RIMS1: variants seen among roughly 807,000 people sequenced by gnomAD.
RIMS1 encodes regulating synaptic membrane exocytosis 1.
In RIMS1, 83 loss-of-function variants were observed where a neutral mutation model predicts 214.1. That is an observed-to-expected ratio of 0.39 (90% confidence interval 0.32 to 0.47). The LOEUF is 0.47. Among genes scored for constraint, RIMS1 ranks in the 20% least tolerant of loss-of-function variants. The probability of loss-of-function intolerance (pLI) is 0.99; values close to 1 mark genes in which losing one functional copy is unlikely to be tolerated. For synonymous variants in RIMS1, 793 were observed against 786.8 expected, an observed-to-expected ratio of 1.01 and a Z score of -0.13; for missense variants, 2,050 against 2,161.8, an observed-to-expected ratio of 0.95 and a Z score of 1.03.
At chr6:71,998,335 G>A (rs1804111923) in intron 2 of RIMS1, among the ~76,000 whole-genome samples, 1 of 152,112 alleles carries the variant, frequency 6.6e-6, no homozygotes, top group Non-Finnish European at 1.5e-5. Flanking sequence ...TTGTTCAGAA[G>A]GAGCTTTCCT....
chr6:71,968,910 G>T lies in RIMS1; in HGVS notation c.165-73G>T. 3.6e-6 allele frequency: 5 copies of T among 1,402,742 alleles called. No individual in the cohort carries two copies. The East Asian group carries it at 1.1e-4, about 32-fold the overall frequency. 86.9% of individuals were successfully genotyped at this position (1,402,742 alleles called of 1,614,324 possible). On this transcript the variant is annotated intron_variant, in intron 1 of 33. Coordinates refer to ENST00000521978, the MANE Select transcript of RIMS1 (RefSeq NM_014989.7). ...TTCCCTTAGAGTGTTTTTCAGTACC[G>T]TGTTTAATTTCTAGATGTGTTCTAC...
chr6:72,233,727 T>C, intron 6 of RIMS1, 46 bp from the exon 7 acceptor site: 1 of 1,321,072 alleles, frequency 7.6e-7, no homozygotes. Context: ...TGATACACTC[T>C]TCTCTTTAAT....
At chr6:72,373,084 TAAGG>T (rs2098269304) in intron 29 of RIMS1, among the ~76,000 whole-genome samples, 1 of 152,270 alleles carries the variant, frequency 6.6e-6, no homozygotes, top group Non-Finnish European at 1.5e-5. Context: ...AACCACAGGC[TAAGG>T]GTTTAACCTT....
intron 22 of RIMS1, among the ~76,000 whole-genome samples, chr6:72,270,873 A>G (rs1301348932): frequency 6.6e-6 from 1 of 152,188 alleles, no homozygotes; most frequent in Admixed American, 6.5e-5. Flanking sequence ...TACTTGAATG[A>G]ATTTCCCTCA....
intron 4 of RIMS1, among the ~76,000 whole-genome samples, chr6:72,101,748 T>G (rs1425662316): frequency 6.6e-6 from 1 of 151,920 alleles, no homozygotes; most frequent in African/African-American, 2.4e-5. Flanking sequence ...GTCCTAAGAA[T>G]AGCTAATTTA....
At chr6:72,351,277 C>G (rs2097438011) in intron 29 of RIMS1, among the ~76,000 whole-genome samples, 1 of 151,974 alleles carries the variant, frequency 6.6e-6, no homozygotes, top group South Asian at 2.1e-4. Flanking sequence ...CTGCCTGAAA[C>G]CAGCAATCAT....
chr6:72,054,881 T>C (rs533509676), intron 2 of RIMS1, among the ~76,000 whole-genome samples: 1 of 152,356 alleles, frequency 6.6e-6, no homozygotes, highest in African/African-American at 2.4e-5. Flanking sequence ...AGGTTGCCTA[T>C]TCATTCTGAT....
At chr6:71,975,824 A>G (rs1406309096) in intron 2 of RIMS1, among the ~76,000 whole-genome samples, 3 of 152,038 alleles carry the variant, frequency 2.0e-5, no homozygotes, top group Non-Finnish European at 2.9e-5. Context: ...ATCATATTAT[A>G]TGTGTCTGTT....
rs374800835 is a variant in RIMS1, at chr6:71,903,708, CTG to C, written c.164+16523_164+16524del. ...AAACTGACTTCGTTTGAGTAGGTTT[CTG>C]TTTCTCCCAACCAAAAGAGCCCTGA... On this transcript the variant is annotated intron_variant, in intron 1 of 33. Coordinates refer to ENST00000521978, the MANE Select transcript of RIMS1 (RefSeq NM_014989.7). Among the ~76,000 whole-genome samples, 444 of 151,756 alleles carry C rather than the reference CTG, an allele frequency of 2.9e-3. 2 individuals carry two copies. The highest frequency in any genetic ancestry group is 9.9e-3 in the African/African-American group (409 of 41,434).
chr6:72,337,986 A>G (rs867059033), intron 29 of RIMS1, among the ~76,000 whole-genome samples: 6 of 151,434 alleles, frequency 4.0e-5, no homozygotes, highest in Admixed American at 1.3e-4. Flanking sequence ...AATCCAATCT[A>G]TCATTGTTGG....
chr6:72,148,660 G>A (rs1381774195), intron 4 of RIMS1: 1 of 456,220 alleles, frequency 2.2e-6, no homozygotes, highest in Admixed American at 2.3e-5. Flanking sequence ...GCTTAACTAT[G>A]TTGTGCCCCT....
intron 6 of RIMS1, among the ~76,000 whole-genome samples, chr6:72,214,969 G>T (rs761843061): frequency 6.6e-6 from 1 of 152,088 alleles, no homozygotes; most frequent in Non-Finnish European, 1.5e-5. Flanking sequence ...TGATCCACCC[G>T]CCTCGGCCTC....
chr6:72,394,683 AATTGGGG>A (rs1231215436), intron 31 of RIMS1, among the ~76,000 whole-genome samples: 2 of 152,084 alleles, frequency 1.3e-5, no homozygotes, highest in African/African-American at 4.8e-5. Flanking sequence ...TTTATAGAAC[AATTGGGG>A]ATATGTGTGT....
chr6:72,223,021 A>G (rs1184192248), intron 6 of RIMS1, among the ~76,000 whole-genome samples: 3 of 152,200 alleles, frequency 2.0e-5, no homozygotes, highest in African/African-American at 4.8e-5. Context: ...ATTGCTGTCA[A>G]TGTGCTTGTT....
At chr6:72,198,001 A>G (rs1369031802) in intron 6 of RIMS1, among the ~76,000 whole-genome samples, 2 of 152,132 alleles carry the variant, frequency 1.3e-5, no homozygotes, top group Non-Finnish European at 2.9e-5. Context: ...ATGATGAACT[A>G]CAGACTGAAC....
chr6:72,392,864 G>T, intron 31 of RIMS1, 54 bp downstream of exon 31: 1 of 1,279,170 alleles, frequency 7.8e-7, no homozygotes, highest in Non-Finnish European at 1.1e-6. Context: ...GTTTGACAAA[G>T]TCATTTAAAA....
chr6:71,983,444 G>GT (rs1799012359), intron 2 of RIMS1, among the ~76,000 whole-genome samples: 5 of 150,346 alleles, frequency 3.3e-5, no homozygotes, highest in African/African-American at 1.2e-4. Context: ...AGAAAAAAAG[G>GT]GTTTTTTTTA....
intron 3 of RIMS1, among the ~76,000 whole-genome samples, chr6:72,098,105 C>T (rs2032385814): frequency 6.6e-6 from 1 of 152,050 alleles, no homozygotes; most frequent in South Asian, 2.1e-4. Flanking sequence ...AATACGAAGT[C>T]ATGTTTAAAA....
chr6:71,918,212 AT>A (rs1778999372), intron 1 of RIMS1, among the ~76,000 whole-genome samples: 1 of 152,230 alleles, frequency 6.6e-6, no homozygotes, highest in South Asian at 2.1e-4. Flanking sequence ...AGTGCTAATT[AT>A]TAAATGGAGA....
Sources: gnomAD v4.1 joint callset for allele counts (sites outside exome capture counted in the v4.1 genomes callset) on GRCh38, gnomAD v4.1.1 for gene constraint, MANE v1.5 for transcripts, NCBI Gene and HGNC (gene_info 2026-07-23, HGNC 2026-07-21) for gene names.